The following ATXN7L1 variants were observed in gnomAD, a reference collection of about 807,000 sequenced individuals.
ATXN7L1 encodes the protein ataxin 7 like 1.
A neutral mutation model predicts 70.8 loss-of-function variants in ATXN7L1; 15 were observed. That is an observed-to-expected ratio of 0.21 (90% CI 0.14 to 0.33). ATXN7L1 has a LOEUF of 0.33. Among genes scored for constraint, ATXN7L1 ranks in the 10% least tolerant of loss-of-function variants. The probability of loss-of-function intolerance (pLI) is 1.00; values close to 1 mark genes in which losing one functional copy is unlikely to be tolerated. For synonymous variants in ATXN7L1, 440 were observed against 445.1 expected (o/e 0.99, Z 0.14); for missense variants, 975 against 1,097.1 (o/e 0.89, Z 1.57).
At chr7:105,643,339 A>G (rs981495415) in intron 4 of ATXN7L1, among the ~76,000 whole-genome samples, 8 of 152,154 alleles carry the variant, frequency 5.3e-5, no homozygotes, top group African/African-American at 1.9e-4. Context: ...CAGGGGTGGC[A>G]TCAGGGCTGA....
chr7:105,781,979 C>T (rs1460031737), intron 3 of ATXN7L1, among the ~76,000 whole-genome samples: 3 of 152,118 alleles, frequency 2.0e-5, no homozygotes, highest in Non-Finnish European at 4.4e-5. Context: ...AGCTGGAGCA[C>T]AACACTACGC....
At position 105,609,521 on chromosome 7, in the gene ATXN7L1, A is replaced by G. The variant is rs538832954; in HGVS notation, c.2547+1008T>C. Among the ~76,000 whole-genome samples, 20 of 151,832 alleles carry G rather than the reference A, an allele frequency of 1.3e-4. No individual in the cohort carries two copies. The South Asian group carries it at 3.8e-3, about 28-fold the overall frequency. Reference sequence around the variant, plus strand: ...CGCTCTGTTGCCCAGGCTGGAGTGCAAGGTGCAATCACAGCTCACTGCAGC... The same window carrying G: ...CGCTCTGTTGCCCAGGCTGGAGTGCGAGGTGCAATCACAGCTCACTGCAGC... On this transcript the variant is annotated intron_variant, in intron 11 of 11. Transcript: ENST00000419735.
chr7:105,672,296 C>A (rs1030295481), intron 3 of ATXN7L1, among the ~76,000 whole-genome samples: 3 of 151,624 alleles, frequency 2.0e-5, no homozygotes, highest in South Asian at 2.1e-4. Context: ...CTGCCCCCCC[C>A]AAAAAAGAGA....
chr7:105,738,181 T>C (rs1159777701), intron 3 of ATXN7L1, among the ~76,000 whole-genome samples: 2 of 152,222 alleles, frequency 1.3e-5, no homozygotes, highest in East Asian at 3.8e-4. Flanking sequence ...GAACAAAAGC[T>C]CAACTCTTTC....
chr7:105,858,287 T>A (rs1320485635), intron 2 of ATXN7L1, among the ~76,000 whole-genome samples: 1 of 152,178 alleles, frequency 6.6e-6, no homozygotes, highest in East Asian at 1.9e-4. Flanking sequence ...CTACTTACTA[T>A]GAGCACTGAT....
At chr7:105,796,802 T>C (rs938951968) in intron 2 of ATXN7L1, among the ~76,000 whole-genome samples, 2 of 152,236 alleles carry the variant, frequency 1.3e-5, no homozygotes, top group African/African-American at 4.8e-5. Flanking sequence ...TATACAAAGA[T>C]GTTTCTCCTT....
rs541858364 is a variant in ATXN7L1, at chr7:105,652,149, C to T, written c.579-9028G>A. On this transcript the variant is annotated intron_variant, in intron 4 of 11. Coordinates refer to ENST00000419735, the MANE Select transcript of ATXN7L1 (RefSeq NM_020725.2). ...AAGATAAAAAAGGAAAAATCGAGCC[C>T]TCATGCAGTAGGGCATAGGATGCTG... 5.9e-5 allele frequency among the ~76,000 whole-genome samples: 9 copies of T among 152,236 alleles called. No individual in the cohort carries two copies. In the South Asian group the frequency reaches 1.9e-3, roughly 32 times the overall value.
chr7:105,803,161 G>A (rs747506749), intron 2 of ATXN7L1, among the ~76,000 whole-genome samples: 2 of 152,200 alleles, frequency 1.3e-5, no homozygotes, highest in East Asian at 1.9e-4. Context: ...TGCAACACAC[G>A]GGCTTCACTC....
intron 10 of ATXN7L1, among the ~76,000 whole-genome samples, chr7:105,611,058 A>G (rs781467729): frequency 9.2e-5 from 14 of 152,214 alleles, no homozygotes; most frequent in Non-Finnish European, 1.6e-4. Flanking sequence ...AAACACCTGG[A>G]TCTTTTGCTG....
At chr7:105,722,654 G>A (rs11765689) in intron 3 of ATXN7L1, among the ~76,000 whole-genome samples, 113 of 146,672 alleles carry the variant, frequency 7.7e-4, no homozygotes, top group Middle Eastern at 3.7e-3. Flanking sequence ...TGAGGTGGGC[G>A]AATTGCCTGA....
chr7:105,620,179 G>A, intron 9 of ATXN7L1, 21 bp downstream of exon 9: 1 of 1,549,982 alleles, frequency 6.5e-7, no homozygotes, highest in Non-Finnish European at 8.7e-7. Flanking sequence ...ATCTTATATT[G>A]CACAAAAGCT....
At chr7:105,619,261 C>A (rs1312464213) in intron 9 of ATXN7L1, among the ~76,000 whole-genome samples, 1 of 140,314 alleles carries the variant, frequency 7.1e-6, no homozygotes, top group Non-Finnish European at 1.5e-5. Context: ...GATTCTCCTG[C>A]CTTAGCCTCC....
In ATXN7L1 at chr7:105,856,139, TACTC is replaced by T. The variant is rs1412332421; in HGVS notation, c.250+19669_250+19672del. Among the ~76,000 whole-genome samples, 10 of 152,250 alleles carry T rather than the reference TACTC, an allele frequency of 6.6e-5. No individual in the cohort carries two copies. In the East Asian group the frequency reaches 1.5e-3, roughly 23 times the overall value. On this transcript the variant is annotated intron_variant, in intron 2 of 11. Transcript: ENST00000419735. ...TATCTTTGTTCTTTCCCTTTCAACTTACTCACTGACTTAAATGAAAATATCAACC... is the reference window on the plus strand; with the variant it reads ...TATCTTTGTTCTTTCCCTTTCAACTTACTGACTTAAATGAAAATATCAACC...
rs142440225 is a variant in ATXN7L1 at position 105,798,900 on chromosome 7, A to C, written c.251-10192T>G. Among the ~76,000 whole-genome samples the C allele has an allele frequency of 2.2e-3, 337 of 152,374 alleles. 2 individuals are homozygous for C. Among genetic ancestry groups the C allele is most frequent in the African/African-American group, 7.8e-3 (325 of 41,596 alleles). On this transcript the variant is annotated intron_variant, in intron 2 of 11. Coordinates refer to ENST00000419735, the MANE Select transcript of ATXN7L1 (RefSeq NM_020725.2). ...GATGATCAGTTGTATGTGGGAGCTA[A>C]AACGCTGTATTAAGGGCTCTCATAG...
intron 3 of ATXN7L1, among the ~76,000 whole-genome samples, chr7:105,743,055 T>A (rs1037402301): frequency 6.6e-6 from 1 of 152,148 alleles, no homozygotes; most frequent in Non-Finnish European, 1.5e-5. Context: ...AAATTAGAAT[T>A]TGAAGGGTCT....
chr7:105,699,606 A>C (rs1452640380), intron 3 of ATXN7L1, among the ~76,000 whole-genome samples: 1 of 152,242 alleles, frequency 6.6e-6, no homozygotes, highest in Admixed American at 6.5e-5. Context: ...TGAATTTTAC[A>C]GTGCAACCTA....
intron 3 of ATXN7L1, among the ~76,000 whole-genome samples, chr7:105,740,784 T>TTTTTTTTTTTTTTTTTTTTTTTTG (rs556048408): frequency 0.015 from 1,161 of 77,592 alleles, 295 homozygotes; most frequent in East Asian, 0.042. Flanking sequence ...TTTTTTTTTT[T>TTTTTTTTTTTTTTTTTTTTTTTTG]AATGGAGTCT....
In ATXN7L1 at chr7:105,669,889, A is replaced by C. The variant is rs1226773459; in HGVS notation, c.356-4601T>G. Among the ~76,000 whole-genome samples the C allele has an allele frequency of 2.7e-5, 4 of 150,196 alleles. No individual in the cohort carries two copies. In the South Asian group the frequency reaches 6.4e-4, roughly 24 times the overall value. On this transcript the variant is annotated intron_variant, in intron 3 of 11. Coordinates refer to ENST00000419735, the MANE Select transcript of ATXN7L1 (RefSeq NM_020725.2). ...AGCCGAGATCGAACCATTGCACTCC[A>C]GCCTGGGCAACAAGAGCTAAACTCC...
chr7:105,632,129 G>A (rs1190628019), intron 7 of ATXN7L1, among the ~76,000 whole-genome samples: 1 of 152,200 alleles, frequency 6.6e-6, no homozygotes, highest in Non-Finnish European at 1.5e-5. Flanking sequence ...GCATGGTTAG[G>A]GATGGCCCAA....
Sources: allele counts gnomAD v4.1 joint callset (sites outside exome capture counted in the v4.1 genomes callset), GRCh38; gene constraint gnomAD v4.1.1; transcripts MANE v1.5; gene names NCBI Gene and HGNC (gene_info 2026-07-23, HGNC 2026-07-21).